The following TDRD9 variants were observed in gnomAD, a reference collection of about 807,000 sequenced individuals.
TDRD9 encodes the protein tudor domain containing 9.
In TDRD9, 124 loss-of-function variants were observed where a neutral mutation model predicts 172.6. The observed-to-expected ratio is 0.72, with a 90% CI of 0.62 to 0.83. The LOEUF is 0.83. TDRD9 is among the 40% of genes least tolerant of loss of function. The probability of loss-of-function intolerance (pLI) is 0.00; values close to 1 mark genes in which losing one functional copy is unlikely to be tolerated. For synonymous variants in TDRD9, 619 were observed against 617.1 expected (o/e 1.00, Z -0.05); for missense variants, 1,479 against 1,714.1 (o/e 0.86, Z 2.42).
chr14:103,992,811 G>C (rs1456649628), intron 9 of TDRD9, among the ~76,000 whole-genome samples: 1 of 150,590 alleles, frequency 6.6e-6, no homozygotes, highest in Non-Finnish European at 1.5e-5. Context: ...TGTGGTCCCA[G>C]CTATTCGGAA....
At chr14:103,989,633 C>T (rs2033797629) in intron 8 of TDRD9, among the ~76,000 whole-genome samples, 1 of 152,246 alleles carries the variant, frequency 6.6e-6, no homozygotes. Context: ...AACCTGTCAT[C>T]AGCTGGCTGG....
intron 1 of TDRD9, among the ~76,000 whole-genome samples, chr14:103,929,093 G>C (rs965693758): frequency 9.2e-5 from 14 of 151,996 alleles, no homozygotes; most frequent in Admixed American, 2.6e-4. Flanking sequence ...GACAGTCGGC[G>C]AACCTGCATC....
chr14:103,966,628 T>A, intron 4 of TDRD9, 81 bp from the exon 5 acceptor site: 1 of 1,301,350 alleles, frequency 7.7e-7, no homozygotes, highest in Non-Finnish European at 1.0e-6. Context: ...TCATTCCCTT[T>A]CTTACCCCCA....
chr14:104,035,707 G>T (rs8012125), intron 32 of TDRD9, among the ~76,000 whole-genome samples: 1 of 152,224 alleles, frequency 6.6e-6, no homozygotes. Context: ...GCTAGAAAAG[G>T]AGTAATATTT....
chr14:103,933,148 T>C (rs1469491862), intron 1 of TDRD9, among the ~76,000 whole-genome samples: 1 of 152,242 alleles, frequency 6.6e-6, no homozygotes, highest in African/African-American at 2.4e-5. Flanking sequence ...TACTCTTTGA[T>C]GGTGATTATT....
At chr14:103,956,013 G>A (rs1353754240) in intron 2 of TDRD9, among the ~76,000 whole-genome samples, 2 of 144,124 alleles carry the variant, frequency 1.4e-5, no homozygotes, top group Non-Finnish European at 3.0e-5. Flanking sequence ...GGGAGGCTGA[G>A]GTGAGAGGGT....
chr14:103,977,686 G>A (rs1333600099), intron 7 of TDRD9, among the ~76,000 whole-genome samples: 1 of 78,006 alleles, frequency 1.3e-5, no homozygotes, highest in Non-Finnish European at 2.6e-5. Flanking sequence ...AATCCTATTT[G>A]TCTACTTTTG....
intron 1 of TDRD9, chr14:103,942,302 C>G (rs533323757): frequency 6.6e-6 from 1 of 152,292 alleles, no homozygotes; most frequent in African/African-American, 2.4e-5. Context: ...AGAGAATGCT[C>G]ATTAATTCAC....
chr14:103,943,130 T>C (rs1017095546), intron 1 of TDRD9, among the ~76,000 whole-genome samples: 1 of 151,728 alleles, frequency 6.6e-6, no homozygotes, highest in Non-Finnish European at 1.5e-5. Context: ...TATTTCTTTT[T>C]TCTTTCTTTC....
At chr14:104,007,592 A>C (rs1282762036) in intron 19 of TDRD9, among the ~76,000 whole-genome samples, 6 of 150,208 alleles carry the variant, frequency 4.0e-5, no homozygotes, top group Non-Finnish European at 8.9e-5. Context: ...CAGCTCTTTT[A>C]GATAACGGGC....
intron 1 of TDRD9, among the ~76,000 whole-genome samples, chr14:103,947,373 A>T (rs10131231): frequency 0.051 from 7,671 of 151,312 alleles, 390 homozygotes; most frequent in Admixed American, 0.14. Context: ...TCTGTCGCCC[A>T]GGCTGAAGTG....
At chr14:104,000,175 A>G (rs1282721778) in intron 13 of TDRD9, among the ~76,000 whole-genome samples, 3 of 151,912 alleles carry the variant, frequency 2.0e-5, no homozygotes, top group South Asian at 4.2e-4. Context: ...AAAAACACAA[A>G]AAATTAGCTG....
intron 1 of TDRD9, among the ~76,000 whole-genome samples, chr14:103,935,580 T>G (rs1179378611): frequency 6.6e-6 from 1 of 152,136 alleles, no homozygotes; most frequent in Non-Finnish European, 1.5e-5. Flanking sequence ...AGGAAGGAAG[T>G]CTGGCAGAGC....
At chr14:104,020,764 G>A (rs1020052538) in intron 23 of TDRD9, among the ~76,000 whole-genome samples, 1 of 152,108 alleles carries the variant, frequency 6.6e-6, no homozygotes, top group African/African-American at 2.4e-5. Context: ...AGTAGAGGAA[G>A]GGGCCCAGGT....
At chr14:104,046,906 A>G (rs1256571354) in intron 34 of TDRD9, among the ~76,000 whole-genome samples, 1 of 152,174 alleles carries the variant, frequency 6.6e-6, no homozygotes, top group African/African-American at 2.4e-5. Context: ...TCGGCCTCCC[A>G]AAGTGCTGGG....
At chr14:104,031,002 C>A in intron 28 of TDRD9, 106 bp from the exon 29 acceptor site, 1 of 1,022,028 alleles carries the variant, frequency 9.8e-7, no homozygotes, top group Non-Finnish European at 1.4e-6. Context: ...AAATTAATGA[C>A]ATAGAAATCA....
At chr14:103,976,416 G>C (rs2152169458) in intron 7 of TDRD9, among the ~76,000 whole-genome samples, 1 of 151,854 alleles carries the variant, frequency 6.6e-6, no homozygotes, top group Non-Finnish European at 1.5e-5. Flanking sequence ...TAGGACTACA[G>C]GCGTCCGCCA....
intron 30 of TDRD9, 100 bp downstream of exon 30, chr14:104,032,187 T>C: frequency 2.7e-6 from 2 of 733,580 alleles, no homozygotes; most frequent in African/African-American, 1.9e-5. Flanking sequence ...ACTGTTGGAA[T>C]GTGTTATCTT....
intron 1 of TDRD9, among the ~76,000 whole-genome samples, chr14:103,939,089 A>G (rs995235535): frequency 6.6e-6 from 1 of 152,190 alleles, no homozygotes; most frequent in Non-Finnish European, 1.5e-5. Flanking sequence ...TTCAGTCACC[A>G]GAAGCTTTTT....
Sources: allele counts gnomAD v4.1 joint callset (sites outside exome capture counted in the v4.1 genomes callset), GRCh38; gene constraint gnomAD v4.1.1; transcripts MANE v1.5; gene names NCBI Gene and HGNC (gene_info 2026-07-23, HGNC 2026-07-21).